The following WWC1 variants were observed in gnomAD, a reference collection of about 807,000 sequenced individuals.
The protein encoded by WWC1 is protein KIBRA.
WWC1 carries 55 observed loss-of-function variants against 138.4 expected under a neutral mutation model. That is an observed-to-expected ratio of 0.40 (90% CI 0.32 to 0.50). The LOEUF (loss-of-function observed/expected upper bound fraction) is 0.50. Ranked by LOEUF, WWC1 falls within the 20% of genes least tolerant of loss-of-function variation. The probability of loss-of-function intolerance (pLI) is 0.72; values close to 1 mark genes in which losing one functional copy is unlikely to be tolerated. For synonymous variants in WWC1, 524 were observed against 564.9 expected, an observed-to-expected ratio of 0.93 and a Z score of 1.03; for missense variants, 1,226 against 1,420.4, an observed-to-expected ratio of 0.86 and a Z score of 2.20.
At chr5:168,434,820 G>A (rs1027613885) in intron 15 of WWC1, among the ~76,000 whole-genome samples, 4 of 152,168 alleles carry the variant, frequency 2.6e-5, no homozygotes, top group African/African-American at 9.7e-5. Flanking sequence ...CTCTACTGCT[G>A]AGCTCAATGC....
At chr5:168,468,397 C>A (rs1757474477) in intron 22 of WWC1, among the ~76,000 whole-genome samples, 1 of 151,850 alleles carries the variant, frequency 6.6e-6, no homozygotes, top group Admixed American at 6.6e-5. Context: ...CTCGGAGGGT[C>A]CCGAATGCCA....
At chr5:168,337,314 C>T (rs182478219) in intron 1 of WWC1, among the ~76,000 whole-genome samples, 11 of 149,066 alleles carry the variant, frequency 7.4e-5, no homozygotes, top group Admixed American at 3.4e-4. Context: ...TTACTTCAGG[C>T]GTATTCATCT....
At chr5:168,409,774 C>T in intron 7 of WWC1, 148 bp from the exon 8 acceptor site, 2 of 752,562 alleles carry the variant, frequency 2.7e-6, no homozygotes. Context: ...AACCAGCTTC[C>T]CTGCGATCTG....
chr5:168,390,071 G>A (rs1162315047), intron 3 of WWC1, among the ~76,000 whole-genome samples: 4 of 152,112 alleles, frequency 2.6e-5, no homozygotes, highest in Non-Finnish European at 5.9e-5. Flanking sequence ...GACTTTTTTG[G>A]TTCAAATCCA....
intron 3 of WWC1, among the ~76,000 whole-genome samples, chr5:168,393,389 A>C (rs912430773): frequency 1.3e-5 from 2 of 152,204 alleles, no homozygotes; most frequent in African/African-American, 4.8e-5. Flanking sequence ...ATCAGGTCAC[A>C]CAGAAATGAT....
intron 1 of WWC1, among the ~76,000 whole-genome samples, chr5:168,338,923 A>G (rs1266443115): frequency 6.6e-6 from 1 of 152,188 alleles, no homozygotes; most frequent in Non-Finnish European, 1.5e-5. Flanking sequence ...CTAAAAAACT[A>G]TAGTTAACCA....
At chr5:168,313,554 G>A (rs1238916386) in intron 1 of WWC1, among the ~76,000 whole-genome samples, 3 of 151,012 alleles carry the variant, frequency 2.0e-5, no homozygotes, top group African/African-American at 7.3e-5. Flanking sequence ...TTGCACCACT[G>A]CACTCCAGCC....
At position 168,414,559 on chromosome 5, in the gene WWC1, C is replaced by A. The variant is rs200207821; in HGVS notation, c.1153C>A (p.Arg385=). ...GCTGGAAAAGGACCTGCAGGCAGCC[C>A]GGGACACCCAGAGCAAGGCGCTGAC... The part of the protein sequence containing the change: ...KRLEKDLQAA[R]DTQSKALTER... Residue 385 remains arginine, a synonymous_variant, in exon 9 of 23, where the codon CGG becomes AGG. Coordinates refer to ENST00000265293, the MANE Select transcript of WWC1 (RefSeq NM_015238.3). The A allele has an allele frequency of 7.4e-4, 1,157 of 1,553,270 alleles. 5 individuals carry two copies. The African/African-American group carries it at 0.014, about 19-fold the overall frequency.
Position 168,353,177 on chromosome 5 carries a change from G to A in WWC1, c.120-18247G>A, listed in dbSNP as rs192806217. Among the ~76,000 whole-genome samples, 986 of 152,030 alleles carry A rather than the reference G, an allele frequency of 6.5e-3. 21 individuals are homozygous for A. Among genetic ancestry groups the A allele is most frequent in the Admixed American group, 0.021 (325 of 15,270 alleles). ...TGTGTATTTTGGGTCCTTCCAGGGG[G>A]CCTGGGAAGGTCCCCACACTCCCCT... On this transcript the variant is annotated intron_variant, in intron 1 of 22. Transcript: ENST00000265293.
chr5:168,354,744 G>A (rs544445361), intron 1 of WWC1, among the ~76,000 whole-genome samples: 5 of 152,256 alleles, frequency 3.3e-5, no homozygotes, highest in African/African-American at 1.2e-4. Context: ...AGGGTTCTCA[G>A]GGCCCGTTCT....
intron 9 of WWC1, 54 bp from the exon 10 acceptor site, chr5:168,421,954 T>C: frequency 3.4e-6 from 5 of 1,491,636 alleles, no homozygotes; most frequent in Non-Finnish European, 3.7e-6. Context: ...TGGGTAAGAG[T>C]GCATGCCTGT....
At position 168,472,158 on chromosome 5, in the gene WWC1, C is replaced by G. The variant is rs1326141836; in HGVS notation, c.*3141C>G. The stretch of plus-strand genomic sequence containing the variant: ...GCTGTCGGGGCATTTGTGGGGAGAA[C>G]CAGACCACCTCTGCGGAAGGCAGCA... On this transcript the variant is annotated 3_prime_UTR_variant, in exon 23 of 23. Transcript: ENST00000265293. The G allele has an allele frequency of 6.6e-6, 1 of 152,216 alleles. No homozygotes were observed. The highest frequency in any genetic ancestry group is 1.5e-5 in the Non-Finnish European group (1 of 68,070). 9.4% of individuals were successfully genotyped at this position (152,216 alleles called of 1,614,324 possible).
intron 19 of WWC1, among the ~76,000 whole-genome samples, chr5:168,457,147 T>TC (rs1227885402): frequency 7.4e-6 from 1 of 135,302 alleles, no homozygotes; most frequent in Non-Finnish European, 1.5e-5. Flanking sequence ...GGCATTTTTT[T>TC]TTTTTTTTTT....
intron 1 of WWC1, among the ~76,000 whole-genome samples, chr5:168,332,839 G>A (rs1773152049): frequency 6.6e-6 from 1 of 152,002 alleles, no homozygotes; most frequent in South Asian, 2.1e-4. Context: ...CCCCCAAGTG[G>A]CTGGGACTGA....
chr5:168,414,529 A>C lies in WWC1; in HGVS notation c.1123A>C (p.Lys375Gln). The change falls in exon 9 of 23, where the codon AAG becomes CAG. Residue 375 changes from lysine to glutamine, a missense_variant. Physicochemically the swap from Lys to Gln is moderately conservative, Grantham distance 53 (BLOSUM62 1). Coordinates refer to ENST00000265293, the MANE Select transcript of WWC1 (RefSeq NM_015238.3). ...GEVEQLEMARKRLEKDLQAAR... is the reference protein window; with the variant it reads ...GEVEQLEMARQRLEKDLQAAR... ...GGTGGAGCAGCTGGAGATGGCCCGGAAGCGGCTGGAAAAGGACCTGCAGGC... is the reference window on the plus strand; with the variant it reads ...GGTGGAGCAGCTGGAGATGGCCCGGCAGCGGCTGGAAAAGGACCTGCAGGC... The C allele has an allele frequency of 6.4e-7, 1 of 1,555,518 alleles. No homozygotes were observed. Among genetic ancestry groups the C allele is most frequent in the South Asian group, 1.2e-5 (1 of 84,442 alleles).
chr5:168,384,739 A>G (rs1348372059), intron 2 of WWC1, among the ~76,000 whole-genome samples: 2 of 107,412 alleles, frequency 1.9e-5, no homozygotes, highest in Middle Eastern at 5.9e-3. Context: ...TTTTTTTCAG[A>G]CAGAGTCTCA....
intron 1 of WWC1, among the ~76,000 whole-genome samples, chr5:168,336,301 TG>T (rs1420124960): frequency 1.3e-5 from 2 of 152,046 alleles, no homozygotes; most frequent in African/African-American, 4.8e-5. Context: ...CCAGCCACGG[TG>T]GCTCACGCCT....
chr5:168,406,398 C>T lies in WWC1; in HGVS notation c.720+71C>T, dbSNP rs146998173. 842 of 1,585,558 alleles carry T rather than the reference C, an allele frequency of 5.3e-4. 11 individuals are homozygous for T. In the East Asian group the frequency reaches 0.014, roughly 27 times the overall value. ...AGTATTCCTGTATGCCAGTCGTATG[C>T]GGGCTATTTCCACGTGGTACACACA... On this transcript the variant is annotated intron_variant, in intron 6 of 22. Transcript: ENST00000265293.
chr5:168,402,298 G>A (rs1041935771), intron 5 of WWC1, among the ~76,000 whole-genome samples: 1 of 152,238 alleles, frequency 6.6e-6, no homozygotes, highest in African/African-American at 2.4e-5. Context: ...TTGGCAGAGA[G>A]GGTCAGGAAT....
Sources: allele counts gnomAD v4.1 joint callset (sites outside exome capture counted in the v4.1 genomes callset), GRCh38; gene constraint gnomAD v4.1.1; transcripts MANE v1.5; gene names NCBI Gene and HGNC (gene_info 2026-07-23, HGNC 2026-07-21).